The following GABPB1 variants were observed in gnomAD, a reference collection of about 807,000 sequenced individuals.
GABPB1 encodes the protein GA binding protein transcription factor subunit beta 1, also known as GA-binding protein subunit beta-1.
Under a neutral mutation model 45.9 loss-of-function variants are expected in GABPB1, and 15 were observed. The ratio of observed to expected loss-of-function variants is 0.33; its 90% CI spans 0.22 to 0.50. The LOEUF (loss-of-function observed/expected upper bound fraction) is 0.50, where lower values mean the gene tolerates loss of function less well. Among genes scored for constraint, GABPB1 ranks in the 20% least tolerant of loss-of-function variants. The probability of loss-of-function intolerance (pLI) is 0.98; values close to 1 mark genes in which losing one functional copy is unlikely to be tolerated. For synonymous variants in GABPB1, 143 were observed against 154.4 expected (o/e 0.93, Z 0.55); for missense variants, 252 against 457.5 (o/e 0.55, Z 4.10).
chr15:50,316,791 GATTT>G (rs2047346515), intron 1 of GABPB1, among the ~76,000 whole-genome samples: 2 of 152,000 alleles, frequency 1.3e-5, no homozygotes, highest in East Asian at 1.9e-4. Flanking sequence ...ATACTGTAGT[GATTT>G]ATTTCTTTTA....
chr15:50,337,129 A>ATATATG (rs1173961008), intron 1 of GABPB1, among the ~76,000 whole-genome samples: 1 of 10,554 alleles, frequency 9.5e-5, no homozygotes, highest in African/African-American at 8.3e-4. Context: ...ATATATATAT[A>ATATATG]ATATGAAGAG....
chr15:50,343,146 G>A (rs558201766), intron 1 of GABPB1, among the ~76,000 whole-genome samples: 2 of 152,072 alleles, frequency 1.3e-5, no homozygotes, highest in African/African-American at 2.4e-5. Flanking sequence ...TGATCCACCC[G>A]CCTCGGCCTC....
intron 8 of GABPB1, among the ~76,000 whole-genome samples, chr15:50,282,571 A>AAAAAAAAAAAAAAAAAAC: frequency 6.6e-6 from 1 of 150,932 alleles, no homozygotes; most frequent in Non-Finnish European, 1.5e-5. Context: ...AAAAAAAAAA[A>AAAAAAAAAAAAAAAAAAC]AAAACAGAGA....
intron 6 of GABPB1, among the ~76,000 whole-genome samples, chr15:50,293,258 G>A (rs910993421): frequency 1.1e-4 from 16 of 152,086 alleles, no homozygotes; most frequent in Non-Finnish European, 2.1e-4. Flanking sequence ...AGACAGAAAG[G>A]CCATAAATAT....
At chr15:50,305,116 G>T (rs561274637) in intron 2 of GABPB1, among the ~76,000 whole-genome samples, 1 of 152,212 alleles carries the variant, frequency 6.6e-6, no homozygotes, top group Admixed American at 6.5e-5. Context: ...TCTATCACAT[G>T]CATTTAAAGG....
chr15:50,281,922 C>A (rs866387548), intron 8 of GABPB1, among the ~76,000 whole-genome samples: 7 of 152,082 alleles, frequency 4.6e-5, no homozygotes, highest in Non-Finnish European at 4.4e-5. Context: ...GGCAACAGGG[C>A]AAAACCTCAT....
chr15:50,319,022 T>C (rs567273423), intron 1 of GABPB1, among the ~76,000 whole-genome samples: 23 of 152,284 alleles, frequency 1.5e-4, no homozygotes, highest in African/African-American at 5.5e-4. Flanking sequence ...AGGGAAAATA[T>C]GCATAGGAAT....
At chr15:50,315,684 A>G (rs1158911996) in intron 1 of GABPB1, among the ~76,000 whole-genome samples, 2 of 152,208 alleles carry the variant, frequency 1.3e-5, no homozygotes, top group Non-Finnish European at 2.9e-5. Flanking sequence ...GTAGTTTTTG[A>G]CCCTTAGAAG....
chr15:50,281,202 A>G (rs2045958891), intron 8 of GABPB1, among the ~76,000 whole-genome samples: 1 of 152,166 alleles, frequency 6.6e-6, no homozygotes, highest in Non-Finnish European at 1.5e-5. Flanking sequence ...TGAAAGTATA[A>G]TTAACACTAT....
At chr15:50,313,767 TAAC>T (rs2047212330) in intron 1 of GABPB1, among the ~76,000 whole-genome samples, 1 of 152,126 alleles carries the variant, frequency 6.6e-6, no homozygotes, top group South Asian at 2.1e-4. Context: ...TGAAAAATAT[TAAC>T]AATTGTTTAG....
Position 50,276,799 on chromosome 15 carries a change from C to A in GABPB1, c.*1833G>T, listed in dbSNP as rs1217614950. On this transcript the variant is annotated 3_prime_UTR_variant, in exon 9 of 9. Transcript: ENST00000380877. ...ACCTGGCTGTGGTACCAGCACCCTGCCTAACATGACAAATTAATGTACCGA... is the reference window on the plus strand; with the variant it reads ...ACCTGGCTGTGGTACCAGCACCCTGACTAACATGACAAATTAATGTACCGA... 6.6e-6 allele frequency: 1 copy of A among 152,194 alleles called. No individual in the cohort carries two copies. Among genetic ancestry groups the A allele is most frequent in the African/African-American group, 2.4e-5 (1 of 41,444 alleles). 9.4% of individuals were successfully genotyped at this position (152,194 alleles called of 1,614,324 possible). A position where few individuals can be genotyped will look rare whatever the true frequency, so the allele number is the denominator to read the frequency against.
chr15:50,338,722 G>T (rs1296394001), intron 1 of GABPB1, among the ~76,000 whole-genome samples: 1 of 151,794 alleles, frequency 6.6e-6, no homozygotes, highest in Non-Finnish European at 1.5e-5. Context: ...GATCCACCCG[G>T]GCCTTGAAAA....
intron 1 of GABPB1, among the ~76,000 whole-genome samples, chr15:50,319,396 T>C (rs958344390): frequency 6.6e-6 from 1 of 152,212 alleles, no homozygotes; most frequent in African/African-American, 2.4e-5. Context: ...GTGAACACTG[T>C]ACCCAACAGG....
chr15:50,343,725 G>C (rs1172377946), intron 1 of GABPB1, among the ~76,000 whole-genome samples: 1 of 152,074 alleles, frequency 6.6e-6, no homozygotes, highest in East Asian at 1.9e-4. Context: ...TTTTAGTAGA[G>C]ATGAGGTTTC....
At chr15:50,334,324 A>G (rs960066114) in intron 1 of GABPB1, among the ~76,000 whole-genome samples, 4 of 151,854 alleles carry the variant, frequency 2.6e-5, no homozygotes, top group Non-Finnish European at 5.9e-5. Context: ...CTCTATCCCC[A>G]TATCTCTTAC....
chr15:50,306,614 G>A lies in GABPB1; in HGVS notation c.109-2481C>T, dbSNP rs1406929165. On this transcript the variant is annotated intron_variant, in intron 2 of 8. Transcript: ENST00000380877. Reference sequence around the variant, plus strand: ...TGCACTCCAGCCTGGGCAACAGAGCGAAACTCTGTCTCAAAAAAAAAAAAA... The same window carrying A: ...TGCACTCCAGCCTGGGCAACAGAGCAAAACTCTGTCTCAAAAAAAAAAAAA... 8.7e-5 allele frequency among the ~76,000 whole-genome samples: 12 copies of A among 138,284 alleles called. No individual in the cohort carries two copies. The South Asian group carries it at 1.1e-3, about 13-fold the overall frequency. 90.7% of individuals were successfully genotyped at this position (138,284 alleles called of 152,430 possible). A position where few individuals can be genotyped will look rare whatever the true frequency, so the allele number is the denominator to read the frequency against.
chr15:50,295,701 T>C (rs1246141150), intron 6 of GABPB1, among the ~76,000 whole-genome samples: 1 of 151,836 alleles, frequency 6.6e-6, no homozygotes. Flanking sequence ...ATGGTATGAG[T>C]TGGAATGAGT....
chr15:50,321,534 G>T lies in GABPB1; in HGVS notation c.1-11736C>A, dbSNP rs191261836. On this transcript the variant is annotated intron_variant, in intron 1 of 8. Transcript: ENST00000380877. ...AACCCTTTTATCGCTTTTAAAGTCT[G>T]CATTAAAAGGGCATTCTGTTAGCCA... is the stretch of plus-strand genomic sequence containing the variant. 1.5e-3 allele frequency among the ~76,000 whole-genome samples: 222 copies of T among 152,186 alleles called. 2 individuals are homozygous for T. Among genetic ancestry groups the T allele is most frequent in the Admixed American group, 7.7e-3 (118 of 15,286 alleles).
At chr15:50,336,387 T>C (rs896141948) in intron 1 of GABPB1, among the ~76,000 whole-genome samples, 4 of 150,146 alleles carry the variant, frequency 2.7e-5, no homozygotes, top group African/African-American at 4.9e-5. Flanking sequence ...TTTGAGATCT[T>C]TGACAATTAA....
Sources: allele counts gnomAD v4.1 joint callset (sites outside exome capture counted in the v4.1 genomes callset), GRCh38; gene constraint gnomAD v4.1.1; transcripts MANE v1.5; gene names NCBI Gene and HGNC (gene_info 2026-07-23, HGNC 2026-07-21).